Variants in ABCB4 observed in about 807,000 individuals in gnomAD.
ABCB4 encodes the protein ATP binding cassette subfamily B member 4, also known as phosphatidylcholine translocator ABCB4.
Under a neutral mutation model 145.7 loss-of-function variants are expected in ABCB4, and 76 were observed. The observed-to-expected ratio is 0.52, with a 90% CI of 0.43 to 0.63. ABCB4 has a LOEUF of 0.63. Among genes scored for constraint, ABCB4 ranks in the 30% least tolerant of loss-of-function variants. ABCB4 has a pLI of 0.00. For synonymous variants in ABCB4, 517 were observed against 566.8 expected (o/e 0.91, Z 1.25); for missense variants, 1,234 against 1,553.1 (o/e 0.79, Z 3.45).
At chr7:87,470,331 A>G (rs1475581316) in intron 3 of ABCB4, among the ~76,000 whole-genome samples, 1 of 152,242 alleles carries the variant, frequency 6.6e-6, no homozygotes, top group Non-Finnish European at 1.5e-5. Context: ...TGTCTAAAAC[A>G]CCAAAAGCAA....
intron 14 of ABCB4, 64 bp from the exon 15 acceptor site, chr7:87,431,629 C>T: frequency 6.3e-7 from 1 of 1,590,034 alleles, no homozygotes. Context: ...TTAACATGCA[C>T]AGTTAAGCAC....
chr7:87,435,132 A>G (rs1359005653), intron 14 of ABCB4, among the ~76,000 whole-genome samples: 4 of 152,252 alleles, frequency 2.6e-5, no homozygotes, highest in African/African-American at 9.6e-5. Context: ...TCATCATTAA[A>G]AAGAGAGTTG....
At chr7:87,446,872 CT>C (rs1267716134) in intron 9 of ABCB4, among the ~76,000 whole-genome samples, 161 bp downstream of exon 9, 3 of 152,126 alleles carry the variant, frequency 2.0e-5, no homozygotes, top group Non-Finnish European at 2.9e-5. Context: ...CTTGTATATA[CT>C]AGAAAGTCAG....
intron 19 of ABCB4, among the ~76,000 whole-genome samples, chr7:87,419,018 T>C (rs979169799): frequency 6.6e-6 from 1 of 152,212 alleles, no homozygotes; most frequent in African/African-American, 2.4e-5. Flanking sequence ...TTCTGATAGA[T>C]TCTAGGCAGG....
intron 2 of ABCB4, among the ~76,000 whole-genome samples, chr7:87,473,721 G>A (rs1164397159): frequency 7.0e-6 from 1 of 141,928 alleles, no homozygotes; most frequent in Non-Finnish European, 1.5e-5. Context: ...TAAACTCTAT[G>A]AGGGAGTGTG....
At position 87,447,192 on chromosome 7, in the gene ABCB4, A is replaced by C; in HGVS notation, c.847T>G (p.Leu283Val). The C allele has an allele frequency of 6.2e-7, 1 of 1,613,654 alleles. No homozygotes were observed. Among genetic ancestry groups the C allele is most frequent in the East Asian group, 2.2e-5 (1 of 44,850 alleles). ...ATTCCAATCTCTTTGGCATTTTCTA[A>C]ATGTTTCTGATACCTACCAGAAAAA... is the stretch of plus-strand genomic sequence containing the variant. ...NKELERYQKHLENAKEIGIKK... is the reference protein window; with the variant it reads ...NKELERYQKHVENAKEIGIKK... Residue 283 changes from leucine to valine, a missense_variant, in exon 9 of 28, where the codon TTA (leucine) becomes GTA (valine). Physicochemically the swap from Leu to Val is conservative, Grantham distance 32. Transcript: ENST00000649586.
intron 3 of ABCB4, among the ~76,000 whole-genome samples, chr7:87,471,570 G>C (rs1247768351): frequency 6.6e-6 from 1 of 152,294 alleles, no homozygotes; most frequent in African/African-American, 2.4e-5. Context: ...CAGTGTTTGA[G>C]AGTGTGGATG....
the ABCB4 span, among the ~76,000 whole-genome samples, chr7:87,386,417 A>G: frequency 3.3e-5 from 5 of 152,258 alleles, no homozygotes; most frequent in African/African-American, 1.2e-4. Flanking sequence ...GAATTTATCC[A>G]TTCCTTCTAG....
chr7:87,429,834 G>A (rs1016801397), intron 15 of ABCB4, among the ~76,000 whole-genome samples: 2 of 149,538 alleles, frequency 1.3e-5, no homozygotes, highest in Non-Finnish European at 3.0e-5. Flanking sequence ...ATTTCATTTG[G>A]TATTTTCATT....
chr7:87,372,921 C>T, the ABCB4 span, among the ~76,000 whole-genome samples: 1 of 152,050 alleles, frequency 6.6e-6, no homozygotes, highest in Non-Finnish European at 1.5e-5. Flanking sequence ...GTAAATTATT[C>T]ATAATGCTGC....
chr7:87,413,752 G>C, intron 21 of ABCB4, 35 bp from the exon 22 acceptor site: 1 of 1,365,736 alleles, frequency 7.3e-7, no homozygotes, highest in South Asian at 1.2e-5. Context: ...TAGAAGTGGT[G>C]TTTTCACTTC....
the ABCB4 span, chr7:87,392,597 C>A: frequency 1.3e-5 from 21 of 1,613,436 alleles, no homozygotes; most frequent in East Asian, 2.2e-5. Flanking sequence ...ATGTTACAAG[C>A]TTTTGCAAAG....
intron 21 of ABCB4, 116 bp downstream of exon 21, chr7:87,417,196 G>T: frequency 2.2e-6 from 2 of 928,832 alleles, no homozygotes; most frequent in Non-Finnish European, 3.4e-6. Context: ...ACAATTATTA[G>T]TTGTAGTGGG....
chr7:87,404,647 CAAAA>C (rs45445898), intron 26 of ABCB4, among the ~76,000 whole-genome samples: 1 of 151,582 alleles, frequency 6.6e-6, no homozygotes, highest in Non-Finnish European at 1.5e-5. Flanking sequence ...AACAAACAAA[CAAAA>C]AAAACTTCTG....
the ABCB4 span, among the ~76,000 whole-genome samples, chr7:87,370,425 C>T: frequency 1.8e-4 from 27 of 152,238 alleles, no homozygotes; most frequent in South Asian, 4.1e-4. Context: ...TTAAATAATC[C>T]GCCTGCCTTG....
chr7:87,460,693 C>T (rs531721342), intron 4 of ABCB4, among the ~76,000 whole-genome samples: 6 of 151,944 alleles, frequency 3.9e-5, no homozygotes, highest in African/African-American at 1.4e-4. Flanking sequence ...CACTGTCGCC[C>T]AGGCTGGAGT....
chr7:87,417,144 A>C (rs1235547108), intron 21 of ABCB4, among the ~76,000 whole-genome samples, 168 bp downstream of exon 21: 1 of 152,216 alleles, frequency 6.6e-6, no homozygotes, highest in African/African-American at 2.4e-5. Context: ...CTTATATTTA[A>C]GTTCTAGACA....
chr7:87,427,772 C>T (rs548633355), intron 15 of ABCB4, among the ~76,000 whole-genome samples: 44 of 152,288 alleles, frequency 2.9e-4, no homozygotes, highest in African/African-American at 9.6e-4. Flanking sequence ...TCCAGTTGCT[C>T]ATTCAACATC....
intron 22 of ABCB4, among the ~76,000 whole-genome samples, chr7:87,412,286 C>G (rs1049204734): frequency 6.6e-6 from 1 of 152,214 alleles, no homozygotes; most frequent in Non-Finnish European, 1.5e-5. Flanking sequence ...CAAATGATAA[C>G]TGATATTATT....
Sources: gnomAD v4.1 joint callset for allele counts (sites outside exome capture counted in the v4.1 genomes callset) on GRCh38, gnomAD v4.1.1 for gene constraint, MANE v1.5 for transcripts, NCBI Gene and HGNC (gene_info 2026-07-23, HGNC 2026-07-21) for gene names.